Variants in CD46 observed in about 807,000 individuals in gnomAD.
CD46 encodes membrane cofactor protein.
A neutral mutation model predicts 53.3 loss-of-function variants in CD46; 30 were observed. The ratio of observed to expected loss-of-function variants is 0.56; its 90% CI spans 0.42 to 0.76. CD46 has a LOEUF of 0.76. Among genes scored for constraint, CD46 ranks in the 30% least tolerant of loss-of-function variants. The probability of loss-of-function intolerance (pLI) is 0.00; values close to 1 mark genes in which losing one functional copy is unlikely to be tolerated. For synonymous variants in CD46, 142 were observed against 152.0 expected (o/e 0.93, Z 0.48); for missense variants, 409 against 463.0 (o/e 0.88, Z 1.07).
chr1:207,768,989 GT>G (rs1657160268), intron 7 of CD46: 2 of 152,186 alleles, frequency 1.3e-5, no homozygotes, highest in African/African-American at 4.8e-5. Context: ...GCTGGGTGGG[GT>G]AGCTCACACC....
chr1:207,789,872 A>G (rs1008329243), intron 11 of CD46, among the ~76,000 whole-genome samples: 5 of 80,052 alleles, frequency 6.2e-5, no homozygotes, highest in East Asian at 2.3e-4. Flanking sequence ...TGTGTCTTGA[A>G]AAAAAAAAAA....
At chr1:207,753,547 C>G (rs957667427) in intron 1 of CD46, among the ~76,000 whole-genome samples, 1 of 152,034 alleles carries the variant, frequency 6.6e-6, no homozygotes, top group Non-Finnish European at 1.5e-5. Context: ...GGTTTATGCC[C>G]GTGGTCCCAG....
intron 10 of CD46, 145 bp from the exon 11 acceptor site, chr1:207,785,474 G>C (rs902089284): frequency 1.8e-5 from 13 of 729,796 alleles, no homozygotes; most frequent in Non-Finnish European, 3.3e-5. Context: ...AGATAGCAAA[G>C]AGTCTGGATG....
At chr1:207,786,688 G>T (rs1277484079) in intron 11 of CD46, among the ~76,000 whole-genome samples, 1 of 152,110 alleles carries the variant, frequency 6.6e-6, no homozygotes, top group Non-Finnish European at 1.5e-5. Context: ...TCAGGTTTGG[G>T]CTAAGTCATA....
At chr1:207,785,708 C>T in intron 11 of CD46, 26 bp downstream of exon 11, 1 of 1,386,144 alleles carries the variant, frequency 7.2e-7, no homozygotes, top group African/African-American at 1.4e-5. Context: ...TTTCTTTTAA[C>T]TTCTTGGTCC....
intron 8 of CD46, among the ~76,000 whole-genome samples, chr1:207,782,316 A>C (rs1001197951): frequency 3.3e-5 from 5 of 152,112 alleles, no homozygotes; most frequent in Admixed American, 1.3e-4. Flanking sequence ...AGATTTTTGC[A>C]TGTGTGTGTA....
At chr1:207,756,082 G>A (rs890526172) in intron 1 of CD46, among the ~76,000 whole-genome samples, 2 of 152,112 alleles carry the variant, frequency 1.3e-5, no homozygotes, top group Non-Finnish European at 2.9e-5. Flanking sequence ...GGCAGAAAAT[G>A]CTTCCTGGAG....
chr1:207,781,459 T>A (rs754182579), intron 8 of CD46, among the ~76,000 whole-genome samples: 8 of 152,194 alleles, frequency 5.3e-5, no homozygotes, highest in Non-Finnish European at 1.0e-4. Context: ...AATTTTTTTC[T>A]TGTCTTGCCT....
chr1:207,755,172 A>G (rs1046878533), intron 1 of CD46, among the ~76,000 whole-genome samples: 1 of 152,074 alleles, frequency 6.6e-6, no homozygotes, highest in Non-Finnish European at 1.5e-5. Context: ...AAGAAACAAA[A>G]TAGGAAGCTG....
Position 207,793,420 on chromosome 1 carries a change from AT to A in CD46, c.*42-92del, listed in dbSNP as rs950007637. 4.7e-5 allele frequency: 42 copies of A among 899,502 alleles called. No homozygotes were observed. In the East Asian group the frequency reaches 5.6e-4, roughly 12 times the overall value. 55.7% of individuals were successfully genotyped at this position (899,502 alleles called of 1,614,324 possible). A position where few individuals can be genotyped will look rare whatever the true frequency, so the allele number is the denominator to read the frequency against. On this transcript the variant is annotated intron_variant, in intron 12 of 12. Transcript: ENST00000367042. ...TCCCAGGTTGGTGGCTCATTACTAT[AT>A]TTTTTTAATTGTTCATTTTCTGAAT... is the stretch of plus-strand genomic sequence containing the variant.
chr1:207,782,374 A>G (rs1220638945), intron 8 of CD46, among the ~76,000 whole-genome samples: 1 of 152,126 alleles, frequency 6.6e-6, no homozygotes, highest in Non-Finnish European at 1.5e-5. Context: ...TGTCATCTGC[A>G]AACAGAGCGA....
chr1:207,766,903 C>A, intron 5 of CD46, 110 bp from the exon 6 acceptor site: 1 of 791,416 alleles, frequency 1.3e-6, no homozygotes, highest in South Asian at 1.6e-5. Context: ...ATGTTTTTAA[C>A]ATCTTGCATT....
At chr1:207,776,353 G>A (rs191987769) in intron 8 of CD46, among the ~76,000 whole-genome samples, 1,677 of 152,148 alleles carry the variant, frequency 0.011, 16 homozygotes, top group Non-Finnish European at 0.019. Context: ...CCCGCCCTCC[G>A]TGGGCTGCAC....
rs41317985 is a variant in CD46, at chr1:207,787,128, A to G, written c.1082+1446A>G. 0.022 allele frequency among the ~76,000 whole-genome samples: 3,295 copies of G among 152,068 alleles called. 265 individuals carry two copies. In the East Asian group the frequency reaches 0.29, roughly 13 times the overall value. ...GCTCTGTCACCCAGGCTGGAGTGCA[A>G]TGGCGCAATCTTGGCTCGCTGCAAC... is the stretch of plus-strand genomic sequence containing the variant. On this transcript the variant is annotated intron_variant, in intron 11 of 12. Transcript: ENST00000367042.
At chr1:207,753,331 A>G (rs1310089349) in intron 1 of CD46, among the ~76,000 whole-genome samples, 2 of 152,204 alleles carry the variant, frequency 1.3e-5, no homozygotes, top group Admixed American at 6.5e-5. Context: ...GGCCTATCCC[A>G]CTAAATTTAT....
At chr1:207,780,806 T>C (rs556878596) in intron 8 of CD46, among the ~76,000 whole-genome samples, 3 of 152,240 alleles carry the variant, frequency 2.0e-5, no homozygotes, top group Admixed American at 1.3e-4. Flanking sequence ...GAGTAACTTA[T>C]AATGAACAGA....
intron 9 of CD46, chr1:207,783,740 T>C (rs947754103): frequency 1.3e-5 from 2 of 154,834 alleles, no homozygotes; most frequent in African/African-American, 4.8e-5. Context: ...CAAAAATCTA[T>C]TACCTTTCAT....
intron 8 of CD46, among the ~76,000 whole-genome samples, chr1:207,777,676 T>C (rs535907525): frequency 2.6e-5 from 4 of 152,300 alleles, no homozygotes; most frequent in Admixed American, 1.3e-4. Flanking sequence ...ATTTTCTTTA[T>C]CCAGTCTGTC....
Position 207,795,365 on chromosome 1 carries a change from C to T in CD46, c.*1888C>T, listed in dbSNP as rs886045846. 2 of 152,098 alleles carry T rather than the reference C, an allele frequency of 1.3e-5. No homozygotes were observed. The highest frequency in any genetic ancestry group is 2.9e-5 in the Non-Finnish European group (2 of 67,998). 9.4% of individuals were successfully genotyped at this position (152,098 alleles called of 1,614,324 possible). ...TGGAAGTTTGTTTAAATGACAGAAG[C>T]GTATATGAATTCAAGAAAATTTAAG... On this transcript the variant is annotated 3_prime_UTR_variant, in exon 13 of 13. Coordinates refer to ENST00000367042, the MANE Select transcript of CD46 (RefSeq NM_172351.3).
Sources: gnomAD v4.1 joint callset for allele counts (sites outside exome capture counted in the v4.1 genomes callset) on GRCh38, gnomAD v4.1.1 for gene constraint, MANE v1.5 for transcripts, NCBI Gene and HGNC (gene_info 2026-07-23, HGNC 2026-07-21) for gene names.